CCDC85C: variants seen among roughly 807,000 people sequenced by gnomAD.
CCDC85C encodes the protein coiled-coil domain-containing protein 85C.
CCDC85C carries 18 observed loss-of-function variants against 38.3 expected under a neutral mutation model. The ratio of observed to expected loss-of-function variants is 0.47; its 90% CI spans 0.33 to 0.70. The LOEUF (loss-of-function observed/expected upper bound fraction) is 0.70. Among genes scored for constraint, CCDC85C ranks in the 30% least tolerant of loss-of-function variants. The pLI, the probability that CCDC85C is intolerant of heterozygous loss-of-function variation, is 0.03. For synonymous variants in CCDC85C, 264 were observed against 293.8 expected (o/e 0.90, Z 1.04); for missense variants, 566 against 621.2 (o/e 0.91, Z 0.94).
At chr14:99,577,917 A>AGTGTCTGTGT (rs555067698) in intron 1 of CCDC85C, among the ~76,000 whole-genome samples, 1 of 117,088 alleles carries the variant, frequency 8.5e-6, no homozygotes, top group African/African-American at 3.4e-5. Context: ...ATCCCCCATC[A>AGTGTCTGTGT]GTGTGTGTGT....
intron 1 of CCDC85C, among the ~76,000 whole-genome samples, chr14:99,543,281 C>T (rs932586173): frequency 2.0e-5 from 3 of 152,188 alleles, no homozygotes; most frequent in African/African-American, 4.8e-5. Context: ...CCATGCAGAA[C>T]CCCGTCTTAC....
chr14:99,570,601 A>G (rs1898318066), intron 1 of CCDC85C, among the ~76,000 whole-genome samples: 1 of 152,060 alleles, frequency 6.6e-6, no homozygotes, highest in Non-Finnish European at 1.5e-5. Flanking sequence ...GGCCAGGGAT[A>G]TAACCTTCCA....
chr14:99,542,817 T>C (rs1897738629), intron 1 of CCDC85C, among the ~76,000 whole-genome samples: 1 of 152,228 alleles, frequency 6.6e-6, no homozygotes, highest in Non-Finnish European at 1.5e-5. Context: ...CTGGCCGCCC[T>C]ACACCTCTGA....
At chr14:99,586,916 C>T (rs139160936) in intron 1 of CCDC85C, among the ~76,000 whole-genome samples, 17 of 152,334 alleles carry the variant, frequency 1.1e-4, no homozygotes, top group African/African-American at 2.9e-4. Context: ...CAGCCAAGCC[C>T]GCAGCCACGG....
chr14:99,573,604 C>T lies in CCDC85C; in HGVS notation c.793+29563G>A, dbSNP rs1482343482. ...CAGACCCGGCCTGGACGTTCTGGCT[C>T]AAAGGACAGGGTGCAGCCAGATGCC... On this transcript the variant is annotated intron_variant, in intron 1 of 5. Coordinates refer to ENST00000380243, the MANE Select transcript of CCDC85C (RefSeq NM_001144995.2). 3.9e-5 allele frequency among the ~76,000 whole-genome samples: 6 copies of T among 152,206 alleles called. 1 individual carries two copies. The highest frequency in any genetic ancestry group is 2.6e-4 in the Admixed American group (4 of 15,288).
chr14:99,545,517 C>T lies in CCDC85C; in HGVS notation c.794-9429G>A, dbSNP rs1354820645. ...GGGACAAGGGGAAAAGAATTCCTTCCCTGTGCCTTCAAGGGCTGCACGCAT... is the reference window on the plus strand; with the variant it reads ...GGGACAAGGGGAAAAGAATTCCTTCTCTGTGCCTTCAAGGGCTGCACGCAT... On this transcript the variant is annotated intron_variant, in intron 1 of 5. Transcript: ENST00000380243. The surrounding 1 kb of genome is among the most constrained non-coding windows in gnomAD (Gnocchi z 4.7). 6.6e-6 allele frequency among the ~76,000 whole-genome samples: 1 copy of T among 152,100 alleles called. No homozygotes were observed.
rs1329848590 is a variant in CCDC85C, at chr14:99,500,197, G to A, written c.*15049C>T. On this transcript the variant is annotated 3_prime_UTR_variant, in exon 6 of 6. Coordinates refer to ENST00000380243, the MANE Select transcript of CCDC85C (RefSeq NM_001144995.2). The stretch of plus-strand genomic sequence containing the variant: ...GATCATTTATTCAGTAAGTGTTGTT[G>A]GGATGATTTATTTCAAATAAATGAA... 6.6e-6 allele frequency: 1 copy of A among 152,134 alleles called. No individual in the cohort carries two copies. Among genetic ancestry groups the A allele is most frequent in the Non-Finnish European group, 1.5e-5 (1 of 68,202 alleles). The allele number at this position is 152,134 out of a possible 1,614,324, so 9.4% of individuals were successfully genotyped here.
rs1393711523 is a variant in CCDC85C, at chr14:99,501,189, GA to G, written c.*14056del. The G allele has an allele frequency of 8.5e-5, 53 of 620,980 alleles. No individual in the cohort carries two copies. The highest frequency in any genetic ancestry group is 4.3e-4 in the Middle Eastern group (1 of 2,350). The allele number at this position is 620,980 out of a possible 1,614,324, so 38.5% of individuals were successfully genotyped here. The stretch of plus-strand genomic sequence containing the variant: ...GTTCAGCGTAGGTCATGAGGAGGAA[GA>G]AGGGGTAGGATGTGGACCCACATCA... On this transcript the variant is annotated 3_prime_UTR_variant, in exon 6 of 6. Transcript: ENST00000380243.
At chr14:99,564,037 C>T (rs1323638370) in intron 1 of CCDC85C, among the ~76,000 whole-genome samples, 1 of 152,196 alleles carries the variant, frequency 6.6e-6, no homozygotes, top group Non-Finnish European at 1.5e-5. Context: ...TTCCAGCCTA[C>T]ATGTACACAG....
At chr14:99,595,229 T>G (rs1483943492) in intron 1 of CCDC85C, among the ~76,000 whole-genome samples, 1 of 151,478 alleles carries the variant, frequency 6.6e-6, no homozygotes, top group Non-Finnish European at 1.5e-5. Context: ...CGGCTCTTCT[T>G]TTTGTTTTGG....
At chr14:99,577,395 T>C (rs1898503115) in intron 1 of CCDC85C, among the ~76,000 whole-genome samples, 1 of 133,554 alleles carries the variant, frequency 7.5e-6, no homozygotes, top group Admixed American at 7.7e-5. Flanking sequence ...CTGGGCTCCC[T>C]GGGCCCAGGA....
intron 1 of CCDC85C, among the ~76,000 whole-genome samples, chr14:99,542,563 C>T (rs1238934206): frequency 6.6e-6 from 1 of 152,198 alleles, no homozygotes; most frequent in African/African-American, 2.4e-5. Flanking sequence ...GTGGCAGCCA[C>T]AGACCCAGGG....
At chr14:99,557,791 T>G (rs1401084693) in intron 1 of CCDC85C, among the ~76,000 whole-genome samples, 2 of 152,132 alleles carry the variant, frequency 1.3e-5, no homozygotes, top group Non-Finnish European at 2.9e-5. Flanking sequence ...GGTGCACGCC[T>G]GTAATCCCAG....
Position 99,576,058 on chromosome 14 carries a change from C to A in CCDC85C, c.793+27109G>T, listed in dbSNP as rs1206204844. Among the ~76,000 whole-genome samples, 1 of 152,244 alleles carries A rather than the reference C, an allele frequency of 6.6e-6. No homozygotes were observed. The highest frequency in any genetic ancestry group is 2.1e-4 in the South Asian group (1 of 4,834). ...GACCACCCCACTCCTCCAAACCTCA[C>A]CGATCTGTGCCCGTCTAATGAGGGT... On this transcript the variant is annotated intron_variant, in intron 1 of 5. Transcript: ENST00000380243. The surrounding 1 kb of genome is among the most constrained non-coding windows in gnomAD (Gnocchi z 4.8).
Position 99,501,426 on chromosome 14 carries a change from A to C in CCDC85C, c.*13820T>G. The C allele has an allele frequency of 6.5e-7, 1 of 1,537,652 alleles. No homozygotes were observed. The highest frequency in any genetic ancestry group is 1.1e-5 in the South Asian group (1 of 89,072). On this transcript the variant is annotated 3_prime_UTR_variant, in exon 6 of 6. Coordinates refer to ENST00000380243, the MANE Select transcript of CCDC85C (RefSeq NM_001144995.2). ...TTGTAAATGACAGGTATACATGTTCAAATGTTGATTAATTACAGTATTTTA... is the reference window on the plus strand; with the variant it reads ...TTGTAAATGACAGGTATACATGTTCCAATGTTGATTAATTACAGTATTTTA...
intron 1 of CCDC85C, among the ~76,000 whole-genome samples, chr14:99,595,533 T>C (rs1372392591): frequency 1.3e-5 from 2 of 152,200 alleles, no homozygotes; most frequent in African/African-American, 2.4e-5. Flanking sequence ...TCTCTCTTCT[T>C]ACCTGCTCTC....
intron 1 of CCDC85C, among the ~76,000 whole-genome samples, chr14:99,581,723 T>C (rs1457983228): frequency 6.6e-6 from 1 of 152,304 alleles, no homozygotes; most frequent in Non-Finnish European, 1.5e-5. Flanking sequence ...CTCATGGCCT[T>C]CCTTGAAAGG....
intron 1 of CCDC85C, among the ~76,000 whole-genome samples, chr14:99,598,042 AC>A (rs1266142685): frequency 6.6e-6 from 1 of 152,090 alleles, no homozygotes; most frequent in East Asian, 1.9e-4. Flanking sequence ...GGGCTCTCTG[AC>A]CCTGGAGGCA....
chr14:99,552,363 C>A (rs1472189313), intron 1 of CCDC85C, among the ~76,000 whole-genome samples: 1 of 152,224 alleles, frequency 6.6e-6, no homozygotes, highest in Non-Finnish European at 1.5e-5. Flanking sequence ...CCCAGCAAGG[C>A]AGGACCAGGC....
Sources: allele counts gnomAD v4.1 joint callset (sites outside exome capture counted in the v4.1 genomes callset), GRCh38; gene constraint gnomAD v4.1.1; non-coding constraint Gnocchi (gnomAD v3.1); transcripts MANE v1.5; gene names NCBI Gene and HGNC (gene_info 2026-07-23, HGNC 2026-07-21).